Variants in SNX29 observed in about 807,000 individuals in gnomAD.
The protein encoded by SNX29 is sorting nexin 29.
SNX29 carries 78 observed loss-of-function variants against 102.1 expected under a neutral mutation model. The observed-to-expected ratio is 0.76, with a 90% confidence interval of 0.64 to 0.92. SNX29 has a LOEUF of 0.92. SNX29 is among the 40% of genes least tolerant of loss of function. The pLI is 0.00. For synonymous variants in SNX29, 580 were observed against 414.5 expected, an observed-to-expected ratio of 1.40 and a Z score of -4.85; for missense variants, 1,280 against 1,061.7, an observed-to-expected ratio of 1.21 and a Z score of -2.86.
At chr16:12,481,554 A>ACACCCCCC (rs1555549559) in intron 19 of SNX29, among the ~76,000 whole-genome samples, 1 of 117,670 alleles carries the variant, frequency 8.5e-6, no homozygotes, top group South Asian at 2.6e-4. Context: ...ACACACACAC[A>ACACCCCCC]CCCCAAATGT....
At chr16:12,433,943 C>G (rs2085422105) in intron 18 of SNX29, among the ~76,000 whole-genome samples, 1 of 152,192 alleles carries the variant, frequency 6.6e-6, no homozygotes, top group Admixed American at 6.5e-5. Context: ...AAGGGTCAGT[C>G]TCCTCTGCTT....
chr16:12,007,852 C>T (rs1024982429), intron 3 of SNX29, among the ~76,000 whole-genome samples: 4 of 152,250 alleles, frequency 2.6e-5, no homozygotes, highest in African/African-American at 4.8e-5. Flanking sequence ...GAAAGACCCA[C>T]GTCCTTAACA....
At chr16:12,024,661 C>T (rs369837491) in intron 3 of SNX29, among the ~76,000 whole-genome samples, 1 of 152,166 alleles carries the variant, frequency 6.6e-6, no homozygotes, top group Non-Finnish European at 1.5e-5. Flanking sequence ...TAACCCAAAC[C>T]TTGGGGACTG....
chr16:12,516,267 C>T (rs1224846232), intron 19 of SNX29, among the ~76,000 whole-genome samples: 3 of 152,000 alleles, frequency 2.0e-5, no homozygotes, highest in African/African-American at 7.3e-5. Context: ...CTCGCTTAAG[C>T]CCAGGAGTTC....
At chr16:12,533,404 T>A (rs1208615765) in intron 20 of SNX29, among the ~76,000 whole-genome samples, 2 of 152,192 alleles carry the variant, frequency 1.3e-5, no homozygotes, top group East Asian at 3.9e-4. Context: ...CCTTTTGTGA[T>A]GTGTTGATGC....
chr16:12,178,955 C>G (rs973453417), intron 13 of SNX29, among the ~76,000 whole-genome samples: 1 of 152,072 alleles, frequency 6.6e-6, no homozygotes, highest in African/African-American at 2.4e-5. Context: ...TCCCATGTAT[C>G]CCTGAGATGC....
intron 14 of SNX29, among the ~76,000 whole-genome samples, chr16:12,266,306 T>G (rs1169708769): frequency 6.6e-6 from 1 of 152,094 alleles, no homozygotes; most frequent in Non-Finnish European, 1.5e-5. Flanking sequence ...TCTTCCACAC[T>G]AGGCAATTCT....
At chr16:12,064,312 T>G (rs570818344) in intron 9 of SNX29, among the ~76,000 whole-genome samples, 1 of 152,320 alleles carries the variant, frequency 6.6e-6, no homozygotes, top group South Asian at 2.1e-4. Context: ...CCCAGAGCTC[T>G]TCCTGCTCTT....
At chr16:12,494,640 A>T (rs901775626) in intron 19 of SNX29, among the ~76,000 whole-genome samples, 1 of 151,568 alleles carries the variant, frequency 6.6e-6, no homozygotes, top group African/African-American at 2.4e-5. Flanking sequence ...CAGCTTAACC[A>T]CCCCCTTGGA....
At chr16:12,440,359 G>T (rs1467313231) in intron 18 of SNX29, among the ~76,000 whole-genome samples, 2 of 152,162 alleles carry the variant, frequency 1.3e-5, no homozygotes, top group Non-Finnish European at 2.9e-5. Context: ...GAGAAACTCT[G>T]TGGCTGTTAG....
At chr16:11,999,448 C>T in intron 2 of SNX29, 90 bp downstream of exon 2, 1 of 1,235,686 alleles carries the variant, frequency 8.1e-7, no homozygotes, top group East Asian at 2.5e-5. Context: ...CATACACAGA[C>T]TAACTCCCAC....
chr16:12,035,777 T>A (rs2662832), intron 4 of SNX29, among the ~76,000 whole-genome samples: 19,723 of 152,162 alleles, frequency 0.13, 2,168 homozygotes, highest in East Asian at 0.35. Flanking sequence ...TAGTCCTTTA[T>A]CTCGGTGAGG....
chr16:12,066,431 TG>T (rs1350178484), intron 9 of SNX29, among the ~76,000 whole-genome samples: 1 of 151,944 alleles, frequency 6.6e-6, no homozygotes, highest in Non-Finnish European at 1.5e-5. Context: ...CGACATAAGA[TG>T]GGGTTGTGAG....
chr16:12,166,448 G>T (rs2056026466), intron 13 of SNX29, among the ~76,000 whole-genome samples: 1 of 152,230 alleles, frequency 6.6e-6, no homozygotes, highest in South Asian at 2.1e-4. Flanking sequence ...GGTTAACATG[G>T]TGAAGGAAGG....
rs867226006 is a variant in SNX29 at position 12,324,390 on chromosome 16, T to A, written c.1783-31773T>A. Among the ~76,000 whole-genome samples, 4 of 151,894 alleles carry A rather than the reference T, an allele frequency of 2.6e-5. No individual in the cohort carries two copies. In the South Asian group the frequency reaches 6.2e-4, roughly 24 times the overall value. On this transcript the variant is annotated intron_variant, in intron 15 of 20. Coordinates refer to ENST00000566228, the MANE Select transcript of SNX29 (RefSeq NM_032167.5). Reference sequence around the variant, plus strand: ...GACCTTTCTCCTCTCCAGCTGATTCTCGCCCTGTGGAAATGCTCTTGGCAT... The same window carrying A: ...GACCTTTCTCCTCTCCAGCTGATTCACGCCCTGTGGAAATGCTCTTGGCAT...
intron 16 of SNX29, among the ~76,000 whole-genome samples, chr16:12,393,352 T>C (rs1270133396): frequency 6.6e-6 from 1 of 151,880 alleles, no homozygotes; most frequent in Non-Finnish European, 1.5e-5. Flanking sequence ...TCTGTTGGCA[T>C]TTCAGGGTGG....
At chr16:12,035,073 T>A (rs2057437638) in intron 4 of SNX29, among the ~76,000 whole-genome samples, 1 of 152,120 alleles carries the variant, frequency 6.6e-6, no homozygotes, top group African/African-American at 2.4e-5. Flanking sequence ...AGATCACAGT[T>A]ATCCAGCCTG....
chr16:12,536,991 A>T (rs1275988918), intron 20 of SNX29, among the ~76,000 whole-genome samples: 3 of 117,518 alleles, frequency 2.6e-5, no homozygotes, highest in Admixed American at 1.6e-4. Context: ...AAAAAATAAA[A>T]TAAAAAGAGT....
intron 15 of SNX29, among the ~76,000 whole-genome samples, chr16:12,279,291 T>C (rs1255493163): frequency 6.6e-6 from 1 of 152,240 alleles, no homozygotes; most frequent in Non-Finnish European, 1.5e-5. Context: ...CCTAAGTTCA[T>C]TGCTGGTGCA....
Sources: allele counts gnomAD v4.1 joint callset (sites outside exome capture counted in the v4.1 genomes callset), GRCh38; gene constraint gnomAD v4.1.1; transcripts MANE v1.5; gene names NCBI Gene and HGNC (gene_info 2026-07-23, HGNC 2026-07-21).